Variants in ZBTB20 observed in about 807,000 individuals in gnomAD.
ZBTB20 encodes the protein zinc finger and BTB domain containing 20.
In ZBTB20, 9 loss-of-function variants were observed where a neutral mutation model predicts 56.9. That is an observed-to-expected ratio of 0.16 (90% CI 0.10 to 0.28). The LOEUF is 0.28. Among genes scored for constraint, ZBTB20 ranks in the 10% least tolerant of loss-of-function variants. The pLI is 1.00. For synonymous variants in ZBTB20, 417 were observed against 420.7 expected (o/e 0.99, Z 0.11); for missense variants, 655 against 1,003.0 (o/e 0.65, Z 4.69).
chr3:115,090,932 G>T (rs1245669108), intron 1 of ZBTB20, among the ~76,000 whole-genome samples: 1 of 151,688 alleles, frequency 6.6e-6, no homozygotes, highest in Non-Finnish European at 1.5e-5. Context: ...TAAAACTTAG[G>T]ATTCATTTTT....
At position 114,590,771 on chromosome 3, in the gene ZBTB20, A is replaced by T. The variant is rs1035959092; in HGVS notation, c.-294-90380T>A. Among the ~76,000 whole-genome samples, 6 of 152,140 alleles carry T rather than the reference A, an allele frequency of 3.9e-5. No homozygotes were observed. The South Asian group carries it at 1.0e-3, about 26-fold the overall frequency. On this transcript the variant is annotated intron_variant, in intron 6 of 11. Coordinates refer to ENST00000675478, the MANE Select transcript of ZBTB20 (RefSeq NM_001348800.3). ...TGTGGCTTTAAGAAAAAGAAAGGTA[A>T]GGAGAAAGTGCCTGGAAAATGTGAA...
intron 7 of ZBTB20, among the ~76,000 whole-genome samples, chr3:114,401,281 T>C (rs576130057): frequency 1.3e-5 from 2 of 152,250 alleles, no homozygotes; most frequent in African/African-American, 2.4e-5. Context: ...TAATAAACTG[T>C]AGAAAACAAG....
intron 1 of ZBTB20, among the ~76,000 whole-genome samples, chr3:115,125,991 T>C (rs908147049): frequency 1.3e-5 from 2 of 151,808 alleles, no homozygotes; most frequent in African/African-American, 4.8e-5. Flanking sequence ...AAAGAACTCA[T>C]GCAAACAATA....
chr3:114,771,331 G>A (rs892374620), intron 5 of ZBTB20, among the ~76,000 whole-genome samples: 1 of 152,172 alleles, frequency 6.6e-6, no homozygotes, highest in South Asian at 2.1e-4. Context: ...TAGTTGATTT[G>A]TGATTACTTA....
In ZBTB20 at chr3:114,844,134, A is replaced by T. The variant is rs142732197; in HGVS notation, c.-416-42960T>A. 8.6e-4 allele frequency among the ~76,000 whole-genome samples: 130 copies of T among 151,924 alleles called. 2 individuals are homozygous for T. The East Asian group carries it at 0.024, about 28-fold the overall frequency. ...CAGTGGAATACTATGCAGCGAAAAAAATGGTGAATTATTGATACATGCTAT... is the reference window on the plus strand; with the variant it reads ...CAGTGGAATACTATGCAGCGAAAAATATGGTGAATTATTGATACATGCTAT... On this transcript the variant is annotated intron_variant, in intron 4 of 11. Transcript: ENST00000675478.
chr3:114,775,950 T>C (rs1031311405), intron 5 of ZBTB20, among the ~76,000 whole-genome samples: 5 of 152,164 alleles, frequency 3.3e-5, no homozygotes, highest in East Asian at 3.8e-4. Flanking sequence ...CTGCAGACCA[T>C]TGATCATGGA....
intron 2 of ZBTB20, among the ~76,000 whole-genome samples, chr3:115,030,256 C>T (rs1422985509): frequency 6.6e-6 from 1 of 150,926 alleles, no homozygotes; most frequent in Non-Finnish European, 1.5e-5. Context: ...TATACATCTC[C>T]TATTCATCTT....
chr3:115,144,509 A>C (rs2084909054), intron 1 of ZBTB20, among the ~76,000 whole-genome samples: 1 of 152,182 alleles, frequency 6.6e-6, no homozygotes, highest in Non-Finnish European at 1.5e-5. Flanking sequence ...GGGCCTCAAA[A>C]ACTTTCTGAT....
At chr3:114,612,896 T>G (rs917873018) in intron 6 of ZBTB20, among the ~76,000 whole-genome samples, 1 of 152,248 alleles carries the variant, frequency 6.6e-6, no homozygotes, top group African/African-American at 2.4e-5. Flanking sequence ...GAACTTGATA[T>G]CAGCTTTTAC....
At chr3:114,828,119 T>C (rs1374469774) in intron 4 of ZBTB20, among the ~76,000 whole-genome samples, 1 of 151,800 alleles carries the variant, frequency 6.6e-6, no homozygotes, top group African/African-American at 2.4e-5. Context: ...TTTATATACC[T>C]ATTGGAAGAA....
At chr3:114,733,095 A>G (rs1484685656) in intron 5 of ZBTB20, among the ~76,000 whole-genome samples, 1 of 152,186 alleles carries the variant, frequency 6.6e-6, no homozygotes, top group Non-Finnish European at 1.5e-5. Flanking sequence ...CAACATACAC[A>G]AGACATTTTA....
intron 6 of ZBTB20, among the ~76,000 whole-genome samples, chr3:114,589,202 T>C (rs1577793547): frequency 6.6e-6 from 1 of 152,322 alleles, no homozygotes; most frequent in Admixed American, 6.5e-5. Flanking sequence ...CCAGTGCGTC[T>C]AGTTCTTTCT....
chr3:114,834,840 T>A (rs944063718), intron 4 of ZBTB20, among the ~76,000 whole-genome samples: 1 of 152,036 alleles, frequency 6.6e-6, no homozygotes, highest in East Asian at 1.9e-4. Flanking sequence ...AAAGCCTGGA[T>A]TTTTTTTATC....
At chr3:114,686,092 T>C (rs908858383) in intron 6 of ZBTB20, among the ~76,000 whole-genome samples, 4 of 152,218 alleles carry the variant, frequency 2.6e-5, no homozygotes, top group Admixed American at 1.3e-4. Context: ...TCTTTTCCTC[T>C]ACTCTCTCTT....
chr3:114,801,237 T>C lies in ZBTB20; in HGVS notation c.-416-63A>G, dbSNP rs531869269. On this transcript the variant is annotated intron_variant, in intron 4 of 11. Coordinates refer to ENST00000675478, the MANE Select transcript of ZBTB20 (RefSeq NM_001348800.3). ...TTGGTATTTCAGATTTAATTAAAAA[T>C]TAAACTTTCATAATGTTTCACCATC... 13 of 151,274 alleles carry C rather than the reference T, an allele frequency of 8.6e-5. No homozygotes were observed. The South Asian group carries it at 2.7e-3, about 32-fold the overall frequency. The allele number at this position is 151,274 out of a possible 1,614,324, so 9.4% of individuals were successfully genotyped here. A position where few individuals can be genotyped will look rare whatever the true frequency, so the allele number is the denominator to read the frequency against.
chr3:114,670,385 G>A (rs1452925271), intron 6 of ZBTB20, among the ~76,000 whole-genome samples: 1 of 152,068 alleles, frequency 6.6e-6, no homozygotes, highest in East Asian at 1.9e-4. Context: ...AAGAATGAAA[G>A]CTCAGTAATT....
At chr3:114,409,608 C>T (rs1247076541) in intron 7 of ZBTB20, among the ~76,000 whole-genome samples, 1 of 151,992 alleles carries the variant, frequency 6.6e-6, no homozygotes, top group Non-Finnish European at 1.5e-5. Flanking sequence ...ACATTTTAGG[C>T]TTGAACCAGC....
At chr3:114,841,278 T>A (rs6791168) in intron 4 of ZBTB20, among the ~76,000 whole-genome samples, 1 of 152,068 alleles carries the variant, frequency 6.6e-6, no homozygotes, top group East Asian at 1.9e-4. Flanking sequence ...GGTGAGCACA[T>A]GGGGGAAGAA....
intron 6 of ZBTB20, among the ~76,000 whole-genome samples, chr3:114,604,416 A>G (rs1028437575): frequency 2.6e-5 from 4 of 152,054 alleles, no homozygotes; most frequent in Admixed American, 6.6e-5. Context: ...AGAAAGAGAA[A>G]AAGGTGGATG....
Sources: allele counts gnomAD v4.1 joint callset (sites outside exome capture counted in the v4.1 genomes callset), GRCh38; gene constraint gnomAD v4.1.1; transcripts MANE v1.5; gene names NCBI Gene and HGNC (gene_info 2026-07-23, HGNC 2026-07-21).